Variants in GRIN2A observed in about 807,000 individuals in gnomAD.
GRIN2A encodes the protein glutamate ionotropic receptor NMDA type subunit 2A.
In GRIN2A, 22 loss-of-function variants were observed where a neutral mutation model predicts 113.4. That is an observed-to-expected ratio of 0.19 (90% CI 0.14 to 0.28). The LOEUF is 0.28. Among genes scored for constraint, GRIN2A ranks in the 10% least tolerant of loss-of-function variants. GRIN2A has a pLI of 1.00. For missense variants in GRIN2A, 1,502 were observed against 1,887.0 expected (o/e 0.80, Z 3.78); for synonymous variants, 827 against 738.4 (o/e 1.12, Z -1.94).
chr16:10,072,620 T>A (rs8061178), intron 2 of GRIN2A, among the ~76,000 whole-genome samples: 6,612 of 152,186 alleles, frequency 0.043, 504 homozygotes, highest in African/African-American at 0.15. Context: ...AGAATAAGTT[T>A]GGGTGGGTAG....
intron 11 of GRIN2A, among the ~76,000 whole-genome samples, chr16:9,776,922 G>A (rs987276876): frequency 6.6e-5 from 10 of 152,192 alleles, no homozygotes; most frequent in Non-Finnish European, 1.2e-4. Flanking sequence ...TTGTGGTCCT[G>A]CAATTGAGGA....
At position 9,938,032 on chromosome 16, in the gene GRIN2A, A is replaced by C. The variant is rs2044756352; in HGVS notation, c.934T>G (p.Tyr312Asp). Residue 312 changes from tyrosine (Y) to aspartate (D), a missense_variant, in exon 3 of 13, where the codon TAC becomes GAC. This residue lies in a region of GRIN2A where 334 missense variants were observed against 403.0 expected (regional missense o/e 0.83). Coordinates refer to ENST00000330684, the MANE Select transcript of GRIN2A (RefSeq NM_001134407.3). ...CAGCTGGCCTTGGCCTCGGGGATGT[A>C]GGAGAACTTCTCCAGCATAGAAGAT... ...AASSMLEKFS[Y>D]IPEAKASCYG... The C allele has an allele frequency of 6.2e-7, 1 of 1,614,042 alleles. No homozygotes were observed. Among genetic ancestry groups the C allele is most frequent in the Non-Finnish European group, 8.5e-7 (1 of 1,179,974 alleles).
Position 9,827,218 on chromosome 16 carries a change from G to T in GRIN2A, c.2007+2205C>A, listed in dbSNP as rs142096128. ...TAAAAACATTATACGGCTGGCTGGC[G>T]AGTGGCAGAGAGGAAACAGGCAGAG... On this transcript the variant is annotated intron_variant, in intron 9 of 12. Coordinates refer to ENST00000330684, the MANE Select transcript of GRIN2A (RefSeq NM_001134407.3). Among the ~76,000 whole-genome samples, 944 of 152,354 alleles carry T rather than the reference G, an allele frequency of 6.2e-3. 3 individuals carry two copies. Among genetic ancestry groups the T allele is most frequent in the Non-Finnish European group, 9.7e-3 (657 of 68,028 alleles).
At chr16:9,969,070 G>C (rs4782113) in intron 2 of GRIN2A, among the ~76,000 whole-genome samples, 38,202 of 151,662 alleles carry the variant, frequency 0.25, 4,869 homozygotes, top group African/African-American at 0.28. Flanking sequence ...CTGAAATTCA[G>C]AGTGAATTTA....
intron 5 of GRIN2A, among the ~76,000 whole-genome samples, chr16:9,841,974 G>A (rs549473431): frequency 3.9e-5 from 6 of 152,322 alleles, no homozygotes; most frequent in East Asian, 1.9e-4. Context: ...AAAGGAGGCC[G>A]GGTATGGTGG....
At chr16:10,117,803 G>A (rs956257539) in intron 2 of GRIN2A, among the ~76,000 whole-genome samples, 2 of 152,186 alleles carry the variant, frequency 1.3e-5, no homozygotes, top group African/African-American at 2.4e-5. Flanking sequence ...AAATACACAG[G>A]TTCATTCCAT....
At chr16:9,803,543 C>G (rs1006011409) in intron 10 of GRIN2A, among the ~76,000 whole-genome samples, 8 of 152,198 alleles carry the variant, frequency 5.3e-5, no homozygotes, top group African/African-American at 1.7e-4. Flanking sequence ...GCTCGAAACA[C>G]ATAAATGCAT....
rs561700208 is a variant in GRIN2A, at chr16:10,054,972, C to T, written c.415-116421G>A. On this transcript the variant is annotated intron_variant, in intron 2 of 12. Transcript: ENST00000330684. ...TGGAGGCAGGAGAATCGCTTGAACC[C>T]AGGAGGCGGAGGTTGCAGTGAGCTG... 1.8e-3 allele frequency among the ~76,000 whole-genome samples: 258 copies of T among 142,778 alleles called. 2 individuals carry two copies. The highest frequency in any genetic ancestry group is 6.3e-3 in the African/African-American group (242 of 38,674). The allele number at this position is 142,778 out of a possible 152,430, so 93.7% of individuals were successfully genotyped here.
intron 2 of GRIN2A, chr16:10,111,519 T>C (rs2048613758): frequency 6.8e-6 from 5 of 732,864 alleles, no homozygotes; most frequent in South Asian, 4.2e-5. Context: ...ATTTCATAGC[T>C]GATGAGGTAG....
At chr16:10,136,230 T>C (rs1046030415) in intron 2 of GRIN2A, among the ~76,000 whole-genome samples, 2 of 152,134 alleles carry the variant, frequency 1.3e-5, no homozygotes, top group African/African-American at 4.8e-5. Context: ...TTGTAAATAT[T>C]GGAAGCATAA....
intron 10 of GRIN2A, among the ~76,000 whole-genome samples, chr16:9,813,749 A>T (rs1274234164): frequency 2.6e-5 from 4 of 151,786 alleles, no homozygotes; most frequent in Non-Finnish European, 5.9e-5. Flanking sequence ...TAAGGAAAAA[A>T]CTTTCTAACT....
At chr16:9,892,968 G>A in intron 3 of GRIN2A, among the ~76,000 whole-genome samples, 2 of 147,212 alleles carry the variant, frequency 1.4e-5, no homozygotes, top group African/African-American at 5.1e-5. Flanking sequence ...AAGAAGAAGA[G>A]AACTAGGCTA....
intron 2 of GRIN2A, among the ~76,000 whole-genome samples, chr16:10,067,525 A>G (rs937706429): frequency 2.6e-5 from 4 of 152,198 alleles, no homozygotes; most frequent in African/African-American, 7.2e-5. Context: ...AGAAACACAA[A>G]TGTGTATTGC....
chr16:10,003,141 C>T (rs1354744267), intron 2 of GRIN2A, among the ~76,000 whole-genome samples: 1 of 152,160 alleles, frequency 6.6e-6, no homozygotes, highest in Non-Finnish European at 1.5e-5. Flanking sequence ...TCTTAGAGGC[C>T]TCCATCTGTC....
At chr16:9,837,094 G>C (rs1396820104) in intron 7 of GRIN2A, among the ~76,000 whole-genome samples, 2 of 152,270 alleles carry the variant, frequency 1.3e-5, no homozygotes, top group East Asian at 3.9e-4. Context: ...AATAAAATCA[G>C]ATTTTGAATG....
intron 2 of GRIN2A, among the ~76,000 whole-genome samples, chr16:10,135,901 T>C (rs910157458): frequency 2.0e-5 from 3 of 152,128 alleles, no homozygotes; most frequent in Admixed American, 1.3e-4. Flanking sequence ...ACATTAGAGT[T>C]TGACTGAGTA....
intron 3 of GRIN2A, among the ~76,000 whole-genome samples, chr16:9,912,848 G>T (rs768193851): frequency 1.1e-4 from 16 of 152,200 alleles, no homozygotes; most frequent in Non-Finnish European, 1.3e-4. Context: ...TATCTAAAAG[G>T]CAGTAATAGC....
chr16:9,836,149 G>C (rs903962380), intron 7 of GRIN2A, among the ~76,000 whole-genome samples: 1 of 152,286 alleles, frequency 6.6e-6, no homozygotes, highest in South Asian at 2.1e-4. Flanking sequence ...ATAATTCTCC[G>C]AGTTGCGTAG....
intron 2 of GRIN2A, among the ~76,000 whole-genome samples, chr16:9,966,074 T>C (rs901358324): frequency 1.3e-5 from 2 of 152,216 alleles, no homozygotes; most frequent in Non-Finnish European, 2.9e-5. Context: ...CTTGCACTTA[T>C]AGAGAATTGA....
Sources: gnomAD v4.1 joint callset for allele counts (sites outside exome capture counted in the v4.1 genomes callset) on GRCh38, gnomAD v4.1.1 for gene constraint, gnomAD v4.1.1 regional missense constraint, MANE v1.5 for transcripts, NCBI Gene and HGNC (gene_info 2026-07-23, HGNC 2026-07-21) for gene names.